The following ZNF223 variants were observed in gnomAD, a reference collection of about 807,000 sequenced individuals.
The protein encoded by ZNF223 is Homo sapiens zinc finger protein 223.
A neutral mutation model predicts 12.3 loss-of-function variants in ZNF223; 9 were observed. The ratio of observed to expected loss-of-function variants is 0.73; its 90% confidence interval spans 0.44 to 1.28. The LOEUF is 1.28. Among genes scored for constraint, ZNF223 ranks in the 50% most tolerant of loss-of-function variants. The probability of loss-of-function intolerance (pLI) is 0.00; values close to 1 mark genes in which losing one functional copy is unlikely to be tolerated. For missense variants in ZNF223, 506 were observed against 579.0 expected, an observed-to-expected ratio of 0.87 and a Z score of 1.29; for synonymous variants, 171 against 195.2, an observed-to-expected ratio of 0.88 and a Z score of 1.03.
At chr19:44,054,081 C>T (rs1373670736) in intron 1 of ZNF223, among the ~76,000 whole-genome samples, 1 of 151,924 alleles carries the variant, frequency 6.6e-6, no homozygotes, top group Non-Finnish European at 1.5e-5. Context: ...AGCCTGATCT[C>T]TTTTTCTTTC....
At position 44,067,137 on chromosome 19, in the gene ZNF223, C is replaced by G. The variant is rs1177259891; in HGVS notation, c.1309C>G (p.Leu437Val). 1 of 1,613,556 alleles carries G rather than the reference C, an allele frequency of 6.2e-7. No homozygotes were observed. Among genetic ancestry groups the G allele is most frequent in the Admixed American group, 1.7e-5 (1 of 59,916 alleles). Residue 437 changes from leucine (L) to valine (V), a missense_variant, in exon 5 of 5, where the codon CTT (leucine) becomes GTT (valine). Coordinates refer to ENST00000434772, the MANE Select transcript of ZNF223 (RefSeq NM_013361.6). ...PFKCEDCGKKLVYRSYRKDQQ... is the reference protein window; with the variant it reads ...PFKCEDCGKKVVYRSYRKDQQ... ...CAAATGTGAGGATTGTGGAAAGAAG[C>G]TTGTATACCGGTCATACCGTAAAGA...
Position 44,067,551 on chromosome 19 carries a change from T to G in ZNF223, c.*274T>G. 2.2e-6 allele frequency: 1 copy of G among 453,620 alleles called. No homozygotes were observed. The highest frequency in any genetic ancestry group is 4.2e-6 in the Non-Finnish European group (1 of 238,072). The allele number at this position is 453,620 out of a possible 1,614,324, so 28.1% of individuals were successfully genotyped here. A position where few individuals can be genotyped will look rare whatever the true frequency, so the allele number is the denominator to read the frequency against. ...TGGCCATCCCACCTATCCCTTACCC[T>G]TCCCTGCCTCTAGAGCCACTGTTCT... On this transcript the variant is annotated 3_prime_UTR_variant, in exon 5 of 5. Coordinates refer to ENST00000434772, the MANE Select transcript of ZNF223 (RefSeq NM_013361.6).
Position 44,052,154 on chromosome 19 carries a change from C to A in ZNF223, c.-110C>A, listed in dbSNP as rs1444549037. 2 of 154,286 alleles carry A rather than the reference C, an allele frequency of 1.3e-5. No homozygotes were observed. Among genetic ancestry groups the A allele is most frequent in the South Asian group, 1.8e-4 (1 of 5,654 alleles). 9.6% of individuals were successfully genotyped at this position (154,286 alleles called of 1,614,324 possible). ...CAACCACCCGATGATCGATGATCGT[C>A]TCAGGGGAAAAGAAGCCTTGGCGAA... is the stretch of plus-strand genomic sequence containing the variant. On this transcript the variant is annotated 5_prime_UTR_variant, in exon 1 of 5. Transcript: ENST00000434772.
At chr19:44,058,245 C>G (rs891266384) in intron 2 of ZNF223, among the ~76,000 whole-genome samples, 2 of 151,536 alleles carry the variant, frequency 1.3e-5, no homozygotes, top group Non-Finnish European at 2.9e-5. Flanking sequence ...GGTCTGCACC[C>G]CAACTGTCCT....
intron 4 of ZNF223, 35 bp downstream of exon 4, chr19:44,060,876 A>C (rs745410670): frequency 2.5e-6 from 4 of 1,580,090 alleles, no homozygotes; most frequent in Non-Finnish European, 3.5e-6. Context: ...CTTGTTTGTG[A>C]CTTCCATCTG....
intron 1 of ZNF223, among the ~76,000 whole-genome samples, chr19:44,054,534 A>G (rs1326361980): frequency 6.6e-6 from 1 of 152,070 alleles, no homozygotes; most frequent in African/African-American, 2.4e-5. Flanking sequence ...ATGTGCATTA[A>G]CAGTTTTTTT....
chr19:44,065,885 C>T (rs1460759664), intron 4 of ZNF223, among the ~76,000 whole-genome samples, 179 bp from the exon 5 acceptor site: 1 of 152,096 alleles, frequency 6.6e-6, no homozygotes, highest in Non-Finnish European at 1.5e-5. Flanking sequence ...TGTGAGCCAC[C>T]GTCCCCAGTG....
At chr19:44,065,795 C>T (rs111340000) in intron 4 of ZNF223, among the ~76,000 whole-genome samples, 2,913 of 151,968 alleles carry the variant, frequency 0.019, 100 homozygotes, top group African/African-American at 0.067. Context: ...TCAGGCTGGT[C>T]CCGAATTCCT....
Position 44,067,377 on chromosome 19 carries a change from ATC to A in ZNF223, c.*104_*105del, listed in dbSNP as rs768677464. On this transcript the variant is annotated 3_prime_UTR_variant, in exon 5 of 5. Coordinates refer to ENST00000434772, the MANE Select transcript of ZNF223 (RefSeq NM_013361.6). The stretch of plus-strand genomic sequence containing the variant: ...AATTAGCACATTTATCACCTCAATT[ATC>A]TCTTTTTTGTGTTGAGAAAATTAAA... 1.6e-5 allele frequency: 20 copies of A among 1,272,520 alleles called. No individual in the cohort carries two copies. The highest frequency in any genetic ancestry group is 5.9e-5 in the Admixed American group (3 of 50,672). The allele number at this position is 1,272,520 out of a possible 1,614,324, so 78.8% of individuals were successfully genotyped here.
chr19:44,058,654 C>A (rs1343817962), intron 2 of ZNF223, among the ~76,000 whole-genome samples: 1 of 152,200 alleles, frequency 6.6e-6, no homozygotes, highest in African/African-American at 2.4e-5. Context: ...CCCACTCCTC[C>A]CAGTAGGGCT....
intron 4 of ZNF223, among the ~76,000 whole-genome samples, chr19:44,063,805 G>A (rs1976872269): frequency 6.6e-6 from 1 of 152,166 alleles, no homozygotes; most frequent in East Asian, 1.9e-4. Flanking sequence ...ATGGTCACAG[G>A]ATAGTGGCAG....
At chr19:44,057,871 G>A (rs754878609) in intron 2 of ZNF223, among the ~76,000 whole-genome samples, 8 of 152,170 alleles carry the variant, frequency 5.3e-5, no homozygotes, top group Non-Finnish European at 7.3e-5. Flanking sequence ...ACATTCACAC[G>A]CAACAGATTG....
rs1412872298 is a variant in ZNF223 at position 44,067,349 on chromosome 19, T to C, written c.*72T>C. ...ATATGATGTATAATGATCAAATCAG[T>C]GTAATTAGCACATTTATCACCTCAA... On this transcript the variant is annotated 3_prime_UTR_variant, in exon 5 of 5. Coordinates refer to ENST00000434772, the MANE Select transcript of ZNF223 (RefSeq NM_013361.6). The C allele has an allele frequency of 4.2e-6, 6 of 1,414,786 alleles. No homozygotes were observed. The South Asian group carries it at 7.3e-5, about 17-fold the overall frequency. 87.6% of individuals were successfully genotyped at this position (1,414,786 alleles called of 1,614,324 possible).
Position 44,066,928 on chromosome 19 carries a change from C to A in ZNF223, c.1100C>A (p.Thr367Asn). The change falls in exon 5 of 5, where the codon ACT (threonine) becomes AAT (asparagine). Residue 367 changes from threonine to asparagine, a missense_variant. By Grantham distance (65) the Thr-to-Asn change is moderately conservative. Coordinates refer to ENST00000434772, the MANE Select transcript of ZNF223 (RefSeq NM_013361.6). ...CTTTTGATCCATCAGCGAGTCCACACTGGAGAAAAGCCATACAAATGTGAC... is the reference window on the plus strand; with the variant it reads ...CTTTTGATCCATCAGCGAGTCCACAATGGAGAAAAGCCATACAAATGTGAC... ...SYLLIHQRVH[T>N]GEKPYKCDKC... is the part of the protein sequence containing the mutation. 5 of 1,614,162 alleles carry A rather than the reference C, an allele frequency of 3.1e-6. No individual in the cohort carries two copies. The highest frequency in any genetic ancestry group is 1.6e-4 in the Middle Eastern group (1 of 6,062).
At position 44,067,191 on chromosome 19, in the gene ZNF223, C is replaced by A; in HGVS notation, c.1363C>A (p.Pro455Thr). The change falls in exon 5 of 5, where the codon CCA (proline) becomes ACA (threonine). Residue 455 changes from proline to threonine, a missense_variant. Coordinates refer to ENST00000434772, the MANE Select transcript of ZNF223 (RefSeq NM_013361.6). ...ACAAAAAAACCACAGTGGAGAAAAT[C>A]CATCCAAATGTGAAGACTGTGGGAA... ...DQQKNHSGEN[P>T]SKCEDCGKRY... The A allele has an allele frequency of 6.2e-7, 1 of 1,611,996 alleles. No individual in the cohort carries two copies. The highest frequency in any genetic ancestry group is 8.5e-7 in the Non-Finnish European group (1 of 1,179,574).
chr19:44,052,504 G>A (rs529463370), intron 1 of ZNF223, among the ~76,000 whole-genome samples: 1 of 152,284 alleles, frequency 6.6e-6, no homozygotes, highest in South Asian at 2.1e-4. Flanking sequence ...AAGCCTTAAA[G>A]TTGTCCCTGT....
At chr19:44,054,975 T>C (rs1159605866) in intron 1 of ZNF223, 134 bp from the exon 2 acceptor site, 2 of 482,390 alleles carry the variant, frequency 4.1e-6, no homozygotes, top group African/African-American at 3.8e-5. Flanking sequence ...TTTGGTTGTG[T>C]GCAATTTGGG....
chr19:44,059,152 G>A (rs1352666569), intron 2 of ZNF223, among the ~76,000 whole-genome samples: 1 of 152,216 alleles, frequency 6.6e-6, no homozygotes. Flanking sequence ...TTTTGGCACA[G>A]TTGCATAAGG....
chr19:44,067,098 C>A lies in ZNF223; in HGVS notation c.1270C>A (p.Arg424=). 2 of 1,612,540 alleles carry A rather than the reference C, an allele frequency of 1.2e-6. No homozygotes were observed. Among genetic ancestry groups the A allele is most frequent in the South Asian group, 2.2e-5 (2 of 90,684 alleles). The part of the protein sequence containing the change: ...SILNHKRLHC[R]KKPFKCEDCG... ...TTTGAATCATAAGAGACTCCATTGC[C>A]GAAAAAAACCATTCAAATGTGAGGA... The change falls in exon 5 of 5, where the codon CGA becomes AGA. Residue 424 remains arginine (R), a synonymous_variant. Coordinates refer to ENST00000434772, the MANE Select transcript of ZNF223 (RefSeq NM_013361.6).
Sources: gnomAD v4.1 joint callset for allele counts (sites outside exome capture counted in the v4.1 genomes callset) on GRCh38, gnomAD v4.1.1 for gene constraint, MANE v1.5 for transcripts, NCBI Gene and HGNC (gene_info 2026-07-23, HGNC 2026-07-21) for gene names.